The following SMTN variants were observed in gnomAD, a reference collection of about 807,000 sequenced individuals.
The protein encoded by SMTN is smoothelin.
SMTN carries 58 observed loss-of-function variants against 102.0 expected under a neutral mutation model. The observed-to-expected ratio is 0.57, with a 90% CI of 0.46 to 0.71. The LOEUF is 0.71. SMTN is among the 30% of genes least tolerant of loss of function. The pLI is 0.00. For missense variants in SMTN, 1,185 were observed against 1,241.7 expected, an observed-to-expected ratio of 0.95 and a Z score of 0.69; for synonymous variants, 478 against 497.9, an observed-to-expected ratio of 0.96 and a Z score of 0.53.
intron 1 of SMTN, among the ~76,000 whole-genome samples, chr22:31,070,515 C>A (rs549777869): frequency 6.6e-6 from 1 of 152,178 alleles, no homozygotes; most frequent in African/African-American, 2.4e-5. Flanking sequence ...CACGTCGAGA[C>A]CAACTTAGTT....
Position 31,095,783 on chromosome 22 carries a change from C to A in SMTN, c.1861+174C>A. 1.6e-6 allele frequency: 1 copy of A among 614,624 alleles called. No homozygotes were observed. The highest frequency in any genetic ancestry group is 2.0e-5 in the South Asian group (1 of 50,752). The allele number at this position is 614,624 out of a possible 1,614,324, so 38.1% of individuals were successfully genotyped here. A position where few individuals can be genotyped will look rare whatever the true frequency, so the allele number is the denominator to read the frequency against. On this transcript the variant is annotated intron_variant, in intron 13 of 20. Transcript: ENST00000333137. The surrounding 1 kb of genome is among the most constrained non-coding windows in gnomAD (Gnocchi z 4.1). Reference sequence around the variant, plus strand: ...TCCCTGCTGGATCCAGCTGCTCCTTCCCTAGCTCCTTCTCTCCCGCTGGTG... The same window carrying A: ...TCCCTGCTGGATCCAGCTGCTCCTTACCTAGCTCCTTCTCTCCCGCTGGTG...
At chr22:31,087,877 CATT>C (rs2042811006) in intron 2 of SMTN, 85 bp from the exon 3 acceptor site, 2 of 1,372,578 alleles carry the variant, frequency 1.5e-6, no homozygotes, top group Non-Finnish European at 2.0e-6. Context: ...ACAGGCCACA[CATT>C]GTGCCCTAGG....
intron 1 of SMTN, among the ~76,000 whole-genome samples, chr22:31,072,278 C>G (rs1364179323): frequency 6.6e-6 from 1 of 152,036 alleles, no homozygotes; most frequent in Non-Finnish European, 1.5e-5. Context: ...GAAACTGAGG[C>G]CTAGAGAAAT....
chr22:31,093,735 G>A, intron 11 of SMTN: 1 of 1,388,726 alleles, frequency 7.2e-7, no homozygotes, highest in Non-Finnish European at 1.0e-6. Context: ...CTGAGCTGGA[G>A]CCCAGCGAGC....
intron 2 of SMTN, among the ~76,000 whole-genome samples, chr22:31,086,306 G>C (rs2042696708): frequency 6.6e-6 from 1 of 152,234 alleles, no homozygotes; most frequent in South Asian, 2.1e-4. Flanking sequence ...AGAGACCTGG[G>C]TTCAAATCCT....
At chr22:31,067,661 T>C in intron 1 of SMTN, 3 of 149,806 alleles carry the variant, frequency 2.0e-5, no homozygotes, top group East Asian at 2.0e-4. Flanking sequence ...TTCACGCCAT[T>C]CTCCTGCCTC....
chr22:31,078,930 C>T (rs1467139969), upstream of SMTN, among the ~76,000 whole-genome samples: 1 of 152,166 alleles, frequency 6.6e-6, no homozygotes, highest in Admixed American at 6.5e-5. Flanking sequence ...TTATACACCA[C>T]TTCCCTAAGA....
chr22:31,091,733 G>A lies in SMTN; in HGVS notation c.1518G>A (p.Lys506=). 6.2e-7 allele frequency: 1 copy of A among 1,612,856 alleles called. No homozygotes were observed. Among genetic ancestry groups the A allele is most frequent in the South Asian group, 1.1e-5 (1 of 91,052 alleles). ...TACTCAGCACCAGTAGTGGGGGCAA[G>A]AGCACCATCACCCGTGTCAACAGCC... is the stretch of plus-strand genomic sequence containing the variant. The part of the protein sequence containing the change: ...PTLLSTSSGG[K]STITRVNSPG... Residue 506 remains lysine (K), a synonymous_variant, in exon 11 of 21, where the codon AAG becomes AAA. Coordinates refer to ENST00000333137, the MANE Select transcript of SMTN (RefSeq NM_134269.3).
At chr22:31,080,986 G>A (rs1025922323), upstream of SMTN, among the ~76,000 whole-genome samples, 1 of 152,144 alleles carries the variant, frequency 6.6e-6, no homozygotes, top group African/African-American at 2.4e-5. Flanking sequence ...GAGGAGGGCG[G>A]AGAGGGGCTG....
chr22:31,081,329 G>T lies in SMTN; in HGVS notation c.-208G>T, dbSNP rs573565320. 6.6e-6 allele frequency: 1 copy of T among 152,394 alleles called. No individual in the cohort carries two copies. The highest frequency in any genetic ancestry group is 1.9e-4 in the East Asian group (1 of 5,182). 9.4% of individuals were successfully genotyped at this position (152,394 alleles called of 1,614,324 possible). A position where few individuals can be genotyped will look rare whatever the true frequency, so the allele number is the denominator to read the frequency against. ...ACGGGCAGCTCTCCGCAGAATCCAG[G>T]GGACGGTTGCTGAGCGGGCCTGGGA... is the stretch of plus-strand genomic sequence containing the variant. On this transcript the variant is annotated 5_prime_UTR_variant, in exon 1 of 21. Coordinates refer to ENST00000333137, the MANE Select transcript of SMTN (RefSeq NM_134269.3).
In SMTN at chr22:31,097,045, G is replaced by T. The variant is rs139489393; in HGVS notation, c.2074G>T (p.Val692Leu). 6 of 1,614,000 alleles carry T rather than the reference G, an allele frequency of 3.7e-6. No individual in the cohort carries two copies. Among genetic ancestry groups the T allele is most frequent in the Non-Finnish European group, 3.4e-6 (4 of 1,180,038 alleles). Residue 692 changes from valine (V) to leucine (L), a missense_variant, in exon 15 of 21, where the codon GTG becomes TTG. Coordinates refer to ENST00000333137, the MANE Select transcript of SMTN (RefSeq NM_134269.3). ...CACCACCACAGTGGAGTCGAGTTTC[G>T]TGAGGCGCTCGGAGAGTAAGGCCAC... ...ARTTTVESSF[V>L]RRSENGSGST...
chr22:31,093,910 T>C (rs754091203), intron 11 of SMTN: 15 of 1,419,394 alleles, frequency 1.1e-5, no homozygotes, highest in South Asian at 2.7e-5. Context: ...AGGGGTAGTT[T>C]TGAGCCAGGC....
At chr22:31,099,673 C>G in intron 18 of SMTN, 72 bp from the exon 19 acceptor site, 1 of 1,550,684 alleles carries the variant, frequency 6.4e-7, no homozygotes, top group Non-Finnish European at 8.8e-7. Context: ...TCTGGAATAA[C>G]AGAATGCTGA....
intron 15 of SMTN, 97 bp downstream of exon 15, chr22:31,097,157 T>C: frequency 1.3e-6 from 2 of 1,495,746 alleles, no homozygotes; most frequent in Non-Finnish European, 1.9e-6. Flanking sequence ...AACTGTGCCG[T>C]CACTTTCTCT....
At chr22:31,075,941 G>A (rs1296659942) in intron 1 of SMTN, among the ~76,000 whole-genome samples, 2 of 152,194 alleles carry the variant, frequency 1.3e-5, no homozygotes, top group Non-Finnish European at 2.9e-5. Flanking sequence ...GACCATGGGG[G>A]ACCCCAGGCC....
chr22:31,090,877 G>A lies in SMTN; in HGVS notation c.935G>A (p.Arg312Gln), dbSNP rs145288906. ...VLSPRQPAQN[R>Q]ESTPLASGPS... is the part of the protein sequence containing the mutation. ...AGCCCCCGCCAACCAGCCCAGAACC[G>A]AGGTACTACCTATTCTCACCCTGCC... The change falls in exon 9 of 21, where the codon CGA (arginine) becomes CAA (glutamine). Residue 312 changes from arginine (R) to glutamine (Q), a missense_variant and splice_region_variant. Transcript: ENST00000333137. 79 of 1,613,748 alleles carry A rather than the reference G, an allele frequency of 4.9e-5. No homozygotes were observed. The highest frequency in any genetic ancestry group is 8.9e-5 in the East Asian group (4 of 44,892).
rs529277164 is a variant in SMTN, at chr22:31,073,489, C to T, written c.-385-6961C>T. Among the ~76,000 whole-genome samples, 155 of 152,260 alleles carry T rather than the reference C, an allele frequency of 1.0e-3. 1 individual carries two copies. Among genetic ancestry groups the T allele is most frequent in the East Asian group, 5.8e-3 (30 of 5,186 alleles). ...ATGTGCCTCCTTTGATTTTCTGATTCCCTTTCCACATGCAGAGGATTCAGG... is the reference window on the plus strand; with the variant it reads ...ATGTGCCTCCTTTGATTTTCTGATTTCCTTTCCACATGCAGAGGATTCAGG... On this transcript the variant is annotated intron_variant, in intron 1 of 3. Coordinates refer to the SMTN transcript ENST00000422839.
chr22:31,096,566 C>A, intron 13 of SMTN, 167 bp from the exon 14 acceptor site: 1 of 608,082 alleles, frequency 1.6e-6, no homozygotes, highest in Non-Finnish European at 2.7e-6. Flanking sequence ...CAAGTTATGG[C>A]TGTCCCCTCA....
intron 3 of SMTN, 188 bp downstream of exon 3, chr22:31,088,301 G>C (rs572712828): frequency 1.2e-6 from 1 of 829,154 alleles, no homozygotes; most frequent in East Asian, 2.7e-5. Context: ...TTGTGGCGTC[G>C]CGGCCGTGCT....
Sources: gnomAD v4.1 joint callset for allele counts (sites outside exome capture counted in the v4.1 genomes callset) on GRCh38, gnomAD v4.1.1 for gene constraint, Gnocchi (gnomAD v3.1) non-coding constraint, MANE v1.5 for transcripts, NCBI Gene and HGNC (gene_info 2026-07-23, HGNC 2026-07-21) for gene names.